PAPPA2: variants seen among roughly 807,000 people sequenced by gnomAD.
PAPPA2 encodes pappalysin-2.
A neutral mutation model predicts 176.4 loss-of-function variants in PAPPA2; 86 were observed. The observed-to-expected ratio is 0.49, with a 90% CI of 0.41 to 0.58. The LOEUF is 0.58. Among genes scored for constraint, PAPPA2 ranks in the 20% least tolerant of loss-of-function variants. The pLI is 0.00. For synonymous variants in PAPPA2, 809 were observed against 852.2 expected, an observed-to-expected ratio of 0.95 and a Z score of 0.88; for missense variants, 2,073 against 2,256.9, an observed-to-expected ratio of 0.92 and a Z score of 1.65.
intron 3 of PAPPA2, among the ~76,000 whole-genome samples, chr1:176,598,361 G>T (rs563969816): frequency 1.3e-5 from 2 of 151,842 alleles, no homozygotes; most frequent in African/African-American, 4.8e-5. Flanking sequence ...GATTTCTGAT[G>T]ATACAGACAA....
chr1:176,749,319 A>C (rs1018068328), intron 14 of PAPPA2, among the ~76,000 whole-genome samples: 7 of 152,160 alleles, frequency 4.6e-5, no homozygotes, highest in African/African-American at 1.7e-4. Context: ...TTCACAGAAA[A>C]ATTGAAAGGA....
chr1:176,663,233 T>C (rs542520920), intron 3 of PAPPA2, among the ~76,000 whole-genome samples: 1 of 152,180 alleles, frequency 6.6e-6, no homozygotes, highest in Non-Finnish European at 1.5e-5. Context: ...TTTATTGTTA[T>C]CAAAAACTTC....
chr1:176,579,150 G>T (rs756882451), intron 2 of PAPPA2, among the ~76,000 whole-genome samples: 1 of 152,120 alleles, frequency 6.6e-6, no homozygotes, highest in Admixed American at 6.5e-5. Flanking sequence ...GTAAAGAAAG[G>T]GTGAGCAATC....
rs545050324 is a variant in PAPPA2, at chr1:176,472,679, C to T, written c.-917+9261C>T. On this transcript the variant is annotated intron_variant, in intron 1 of 22. Coordinates refer to ENST00000367662, the MANE Select transcript of PAPPA2 (RefSeq NM_020318.3). ...ATATTTTTAGATAAAAAATAAATAA[C>T]CTTATGAGCTCATTTTGAAACTTCC... is the stretch of plus-strand genomic sequence containing the variant. Among the ~76,000 whole-genome samples the T allele has an allele frequency of 3.2e-4, 49 of 152,172 alleles. No individual in the cohort carries two copies. In the Middle Eastern group the frequency reaches 0.014, roughly 42 times the overall value.
intron 1 of PAPPA2, among the ~76,000 whole-genome samples, chr1:176,494,808 G>A (rs1181826118): frequency 6.6e-6 from 1 of 152,168 alleles, no homozygotes; most frequent in Middle Eastern, 3.2e-3. Flanking sequence ...ATCTAAGCCG[G>A]ATGCAAATTT....
chr1:176,482,641 G>C (rs1481483345), intron 1 of PAPPA2, among the ~76,000 whole-genome samples: 4 of 152,146 alleles, frequency 2.6e-5, no homozygotes, highest in Non-Finnish European at 5.9e-5. Flanking sequence ...TGTTTTCTCT[G>C]TGTTGGCTTT....
chr1:176,596,824 T>C (rs1419853580), intron 3 of PAPPA2, among the ~76,000 whole-genome samples: 1 of 152,162 alleles, frequency 6.6e-6, no homozygotes, highest in African/African-American at 2.4e-5. Context: ...TTGGACATAA[T>C]AGAGGAGGGT....
intron 3 of PAPPA2, among the ~76,000 whole-genome samples, chr1:176,623,801 T>TTCTTTCTTTCTTTCTTTCTTTCTC (rs1553376035): frequency 8.2e-6 from 1 of 121,276 alleles, no homozygotes. Flanking sequence ...CTTTCTTTCT[T>TTCTTTCTTTCTTTCTTTCTTTCTC]TCTTTCTTCT....
At chr1:176,530,419 G>T (rs1649746158) in intron 1 of PAPPA2, among the ~76,000 whole-genome samples, 1 of 151,590 alleles carries the variant, frequency 6.6e-6, no homozygotes, top group African/African-American at 2.4e-5. Flanking sequence ...AAGCCAATTA[G>T]AAATCGATTA....
intron 2 of PAPPA2, among the ~76,000 whole-genome samples, chr1:176,589,212 A>T (rs929455749): frequency 6.6e-6 from 1 of 152,068 alleles, no homozygotes; most frequent in African/African-American, 2.4e-5. Context: ...GTCTCTTTGG[A>T]GGACTATATT....
intron 4 of PAPPA2, among the ~76,000 whole-genome samples, chr1:176,677,442 G>A (rs894890222): frequency 3.9e-5 from 6 of 152,100 alleles, no homozygotes; most frequent in South Asian, 2.1e-4. Context: ...CTGCCCTTTC[G>A]TATGATTTTG....
At chr1:176,711,440 A>T (rs995862540) in intron 11 of PAPPA2, among the ~76,000 whole-genome samples, 5 of 152,144 alleles carry the variant, frequency 3.3e-5, no homozygotes, top group Non-Finnish European at 7.3e-5. Flanking sequence ...TGCTTAGCTG[A>T]ATCCTCAGTG....
At chr1:176,495,780 A>C (rs1448737457) in intron 1 of PAPPA2, among the ~76,000 whole-genome samples, 1 of 150,778 alleles carries the variant, frequency 6.6e-6, no homozygotes, top group Non-Finnish European at 1.5e-5. Context: ...AGAAAAAAAT[A>C]AATAAATTTT....
At chr1:176,823,613 C>T (rs549171719) in intron 21 of PAPPA2, among the ~76,000 whole-genome samples, 12 of 152,302 alleles carry the variant, frequency 7.9e-5, no homozygotes, top group East Asian at 7.7e-4. Flanking sequence ...TTTCTTCCAT[C>T]TTATTACTCT....
chr1:176,587,473 G>T (rs544667911), intron 2 of PAPPA2, among the ~76,000 whole-genome samples: 3 of 152,274 alleles, frequency 2.0e-5, no homozygotes, highest in African/African-American at 7.2e-5. Flanking sequence ...TGTGTAAGTT[G>T]TAAGGAAGGG....
intron 1 of PAPPA2, among the ~76,000 whole-genome samples, chr1:176,533,428 C>A (rs1374920853): frequency 6.6e-6 from 1 of 152,250 alleles, no homozygotes; most frequent in Non-Finnish European, 1.5e-5. Context: ...TAGTGCTGGA[C>A]AACTGAAAGG....
intron 9 of PAPPA2, among the ~76,000 whole-genome samples, chr1:176,704,362 C>G (rs1328119778): frequency 6.6e-6 from 1 of 152,158 alleles, no homozygotes; most frequent in Admixed American, 6.5e-5. Context: ...CACCACATTA[C>G]ACGTAAAACA....
intron 1 of PAPPA2, among the ~76,000 whole-genome samples, chr1:176,512,066 G>C (rs549950569): frequency 6.6e-6 from 1 of 151,968 alleles, no homozygotes; most frequent in South Asian, 2.1e-4. Flanking sequence ...AGAATAAAAA[G>C]GACCTCCCCA....
chr1:176,842,216 G>C (rs1667513558), intron 22 of PAPPA2, among the ~76,000 whole-genome samples, 164 bp from the exon 23 acceptor site: 1 of 152,184 alleles, frequency 6.6e-6, no homozygotes, highest in African/African-American at 2.4e-5. Context: ...GCTACATGGT[G>C]ACATGATGTG....
Sources: gnomAD v4.1 joint callset for allele counts (sites outside exome capture counted in the v4.1 genomes callset) on GRCh38, gnomAD v4.1.1 for gene constraint, MANE v1.5 for transcripts, NCBI Gene and HGNC (gene_info 2026-07-23, HGNC 2026-07-21) for gene names.